EGFLAM: variants seen among roughly 807,000 people sequenced by gnomAD.
EGFLAM encodes pikachurin.
In EGFLAM, 79 loss-of-function variants were observed where a neutral mutation model predicts 113.1. That is an observed-to-expected ratio of 0.70 (90% CI 0.58 to 0.84). The LOEUF (loss-of-function observed/expected upper bound fraction) is 0.84, where lower values mean the gene tolerates loss of function less well. Ranked by LOEUF, EGFLAM falls within the 40% of genes least tolerant of loss-of-function variation. The pLI is 0.00. For missense variants in EGFLAM, 1,265 were observed against 1,291.6 expected, an observed-to-expected ratio of 0.98 and a Z score of 0.32; for synonymous variants, 504 against 487.6, an observed-to-expected ratio of 1.03 and a Z score of -0.44.
chr5:38,297,805 T>C (rs1479291682), intron 1 of EGFLAM, among the ~76,000 whole-genome samples: 1 of 152,212 alleles, frequency 6.6e-6, no homozygotes, highest in Non-Finnish European at 1.5e-5. Flanking sequence ...GCTGTACCAG[T>C]AATTTCTCAG....
At chr5:38,362,956 C>T (rs1316666772) in intron 5 of EGFLAM, among the ~76,000 whole-genome samples, 1 of 152,202 alleles carries the variant, frequency 6.6e-6, no homozygotes, top group Non-Finnish European at 1.5e-5. Context: ...CATTTGTAAA[C>T]TGTAAATGAA....
Position 38,445,436 on chromosome 5 carries a change from A to C in EGFLAM, c.2465-2865A>C, listed in dbSNP as rs142043033. 462 of 1,349,658 alleles carry C rather than the reference A, an allele frequency of 3.4e-4. 5 individuals carry two copies. In the African/African-American group the frequency reaches 6.3e-3, roughly 18 times the overall value. 83.6% of individuals were successfully genotyped at this position (1,349,658 alleles called of 1,614,324 possible). ...TTGGTCCACCGCCACGCCCACCTTC[A>C]ATAAGCCGAGAAGAGGTGAGGAGGC... On this transcript the variant is annotated intron_variant, in intron 17 of 21. Transcript: ENST00000322350.
chr5:38,374,664 C>G (rs1042112618), intron 6 of EGFLAM, among the ~76,000 whole-genome samples: 1 of 152,230 alleles, frequency 6.6e-6, no homozygotes. Flanking sequence ...ACCGTAATTT[C>G]TAATCCTGTA....
chr5:38,401,170 A>G (rs546614914), intron 6 of EGFLAM: 1 of 152,276 alleles, frequency 6.6e-6, no homozygotes, highest in South Asian at 2.1e-4. Flanking sequence ...AGCAGCAGCA[A>G]TTTGCTTGTG....
chr5:38,385,250 G>C (rs2468539), intron 6 of EGFLAM, among the ~76,000 whole-genome samples: 3,689 of 143,802 alleles, frequency 0.026, 175 homozygotes, highest in African/African-American at 0.087. Context: ...TATTCATGGA[G>C]AATTGATTCA....
intron 5 of EGFLAM, among the ~76,000 whole-genome samples, chr5:38,368,051 G>A (rs966050561): frequency 6.6e-6 from 1 of 152,166 alleles, no homozygotes; most frequent in Non-Finnish European, 1.5e-5. Flanking sequence ...GCAGGTCTTT[G>A]CAGGTAGTCC....
chr5:38,378,381 C>T (rs2366981), intron 6 of EGFLAM, among the ~76,000 whole-genome samples: 17,554 of 152,106 alleles, frequency 0.12, 1,325 homozygotes, highest in African/African-American at 0.21. Flanking sequence ...GCGAGGATCC[C>T]GGGGTACATG....
chr5:38,422,325 CTT>C (rs1453761883), intron 12 of EGFLAM, among the ~76,000 whole-genome samples: 1 of 152,150 alleles, frequency 6.6e-6, no homozygotes, highest in Non-Finnish European at 1.5e-5. Context: ...CCCCATCACT[CTT>C]GAGTTAAGAG....
intron 6 of EGFLAM, among the ~76,000 whole-genome samples, chr5:38,387,708 A>G (rs1405190695): frequency 6.6e-6 from 1 of 152,234 alleles, no homozygotes; most frequent in Non-Finnish European, 1.5e-5. Context: ...GTCTTGCTTT[A>G]GTCAATATGC....
intron 1 of EGFLAM, among the ~76,000 whole-genome samples, chr5:38,293,218 C>T (rs1758376006): frequency 6.6e-6 from 1 of 152,178 alleles, no homozygotes; most frequent in Non-Finnish European, 1.5e-5. Flanking sequence ...TATGAAAGAA[C>T]ATAGGATTTG....
At chr5:38,345,529 A>T (rs1739452202) in intron 3 of EGFLAM, 1 of 152,190 alleles carries the variant, frequency 6.6e-6, no homozygotes, top group African/African-American at 2.4e-5. Flanking sequence ...TCCAGAAAGA[A>T]CCAGGCAAAC....
rs556004685 is a variant in EGFLAM at position 38,408,221 on chromosome 5, T to C, written c.1248+316T>C. On this transcript the variant is annotated intron_variant, in intron 9 of 21. Transcript: ENST00000322350. ...AATAGTGATTTCTCCCAGGCCAGGA[T>C]TGAGAAGAAACAATGCATTCCCCGT... Among the ~76,000 whole-genome samples the C allele has an allele frequency of 6.4e-4, 98 of 152,310 alleles. 1 individual carries two copies. Among genetic ancestry groups the C allele is most frequent in the African/African-American group, 2.2e-3 (93 of 41,568 alleles).
intron 18 of EGFLAM, among the ~76,000 whole-genome samples, chr5:38,449,667 C>T (rs951730366): frequency 3.3e-5 from 5 of 149,640 alleles, no homozygotes; most frequent in African/African-American, 1.0e-4. Context: ...TGTGTGTGTG[C>T]GCATGCATGT....
chr5:38,426,767 G>A (rs1742022521), intron 13 of EGFLAM, among the ~76,000 whole-genome samples: 1 of 152,188 alleles, frequency 6.6e-6, no homozygotes, highest in Admixed American at 6.5e-5. Context: ...CTGCCAGCAC[G>A]TGAGAGGAGA....
rs373325254 is a variant in EGFLAM, at chr5:38,268,634, T to A, written c.97+9783T>A. On this transcript the variant is annotated intron_variant, in intron 1 of 21. Transcript: ENST00000322350. ...TTTCGTGGCTTCTTTCCCATGGATATTTTATACGTGGCAGAATTTGACTTG... is the reference window on the plus strand; with the variant it reads ...TTTCGTGGCTTCTTTCCCATGGATAATTTATACGTGGCAGAATTTGACTTG... Among the ~76,000 whole-genome samples, 231 of 152,328 alleles carry A rather than the reference T, an allele frequency of 1.5e-3. 7 individuals are homozygous for A. The South Asian group carries it at 0.047, about 31-fold the overall frequency.
chr5:38,442,629 G>A (rs1042486852), intron 17 of EGFLAM, among the ~76,000 whole-genome samples: 31 of 151,968 alleles, frequency 2.0e-4, no homozygotes, highest in Non-Finnish European at 1.9e-4. Context: ...GACTCTTTTC[G>A]CTGCAGTCCT....
intron 3 of EGFLAM, among the ~76,000 whole-genome samples, chr5:38,347,332 C>G (rs1156725936): frequency 6.6e-6 from 1 of 152,138 alleles, no homozygotes; most frequent in African/African-American, 2.4e-5. Context: ...CTATGCTAAG[C>G]TTTGGGATGC....
At chr5:38,393,999 G>A (rs1740885857) in intron 6 of EGFLAM, among the ~76,000 whole-genome samples, 1 of 152,140 alleles carries the variant, frequency 6.6e-6, no homozygotes, top group African/African-American at 2.4e-5. Flanking sequence ...GAGATGGGAA[G>A]GTGATCTTTC....
chr5:38,334,373 G>C (rs1303640685), intron 1 of EGFLAM, among the ~76,000 whole-genome samples: 1 of 152,174 alleles, frequency 6.6e-6, no homozygotes. Flanking sequence ...CAGATTTGGT[G>C]TCTGGTGAAG....
Sources: gnomAD v4.1 joint callset for allele counts (sites outside exome capture counted in the v4.1 genomes callset) on GRCh38, gnomAD v4.1.1 for gene constraint, MANE v1.5 for transcripts, NCBI Gene and HGNC (gene_info 2026-07-23, HGNC 2026-07-21) for gene names.